Variants in ADGRV1 observed in about 807,000 individuals in gnomAD.
ADGRV1 encodes adhesion G protein-coupled receptor V1.
Under a neutral mutation model 596.2 loss-of-function variants are expected in ADGRV1, and 359 were observed. That is an observed-to-expected ratio of 0.60 (90% CI 0.55 to 0.66). The LOEUF (loss-of-function observed/expected upper bound fraction) is 0.66. Ranked by LOEUF, ADGRV1 falls within the 30% of genes least tolerant of loss-of-function variation. ADGRV1 has a pLI of 0.00. For synonymous variants in ADGRV1, 2,681 were observed against 2,679.2 expected, an observed-to-expected ratio of 1.00 and a Z score of -0.02; for missense variants, 7,274 against 7,575.6, an observed-to-expected ratio of 0.96 and a Z score of 1.48.
intron 89 of ADGRV1, among the ~76,000 whole-genome samples, chr5:91,157,547 A>T (rs1040308326): frequency 1.6e-4 from 25 of 152,180 alleles, no homozygotes; most frequent in African/African-American, 5.1e-4. Context: ...TCCTACTATA[A>T]TATATTTTAT....
At chr5:90,996,439 G>A (rs1293436859) in intron 85 of ADGRV1, among the ~76,000 whole-genome samples, 2 of 152,208 alleles carry the variant, frequency 1.3e-5, no homozygotes, top group Admixed American at 6.5e-5. Context: ...GGTGCACAGA[G>A]TACAAGAGTT....
chr5:90,776,455 A>T lies in ADGRV1; in HGVS notation c.12406A>T (p.Ser4136Cys), dbSNP rs774627909. The change falls in exon 61 of 90, where the codon AGT (serine) becomes TGT (cysteine). Residue 4136 changes from serine to cysteine, a missense_variant and splice_region_variant. Coordinates refer to ENST00000405460, the MANE Select transcript of ADGRV1 (RefSeq NM_032119.4). The part of the protein sequence containing the change: ...DEVEISPVKG[S>C]ASIIIRGDKR... Reference sequence around the variant, plus strand: ...GGTCTATATCATCTTGAATTTAGGTAGTGCATCAATAATTATTCGGGGTGA... The same window carrying T: ...GGTCTATATCATCTTGAATTTAGGTTGTGCATCAATAATTATTCGGGGTGA... The T allele has an allele frequency of 6.2e-7, 1 of 1,610,438 alleles. No homozygotes were observed. The highest frequency in any genetic ancestry group is 1.1e-5 in the South Asian group (1 of 90,674).
chr5:90,788,607 A>T (rs1244679977), intron 68 of ADGRV1, among the ~76,000 whole-genome samples: 1 of 152,170 alleles, frequency 6.6e-6, no homozygotes, highest in Non-Finnish European at 1.5e-5. Flanking sequence ...GGTATTTGTT[A>T]TAGCATACCA....
chr5:90,608,608 A>C (rs1268961690), intron 1 of ADGRV1, among the ~76,000 whole-genome samples: 1 of 152,176 alleles, frequency 6.6e-6, no homozygotes. Context: ...TAATATTGTG[A>C]TAATGCCTAA....
chr5:91,138,257 TAG>T (rs1348940227), intron 87 of ADGRV1, among the ~76,000 whole-genome samples: 8 of 152,154 alleles, frequency 5.3e-5, no homozygotes, highest in Middle Eastern at 6.8e-3. Context: ...AAACCTTCTG[TAG>T]AAATTGTAAT....
At position 90,726,653 on chromosome 5, in the gene ADGRV1, A is replaced by ATGTGTG. The variant is rs55927110; in HGVS notation, c.10161+1022_10161+1027dup. ...TCCTTTTCCCTTTCTCTCTCTGGGTATGTGTGTGTGTGTGTGTGTGTGTGT... is the reference window on the plus strand; with the variant it reads ...TCCTTTTCCCTTTCTCTCTCTGGGTATGTGTGTGTGTGTGTGTGTGTGTGTGTGTGT... On this transcript the variant is annotated intron_variant, in intron 48 of 89. Transcript: ENST00000405460. 9.8e-3 allele frequency among the ~76,000 whole-genome samples: 1,445 copies of ATGTGTG among 147,684 alleles called. 13 individuals are homozygous for ATGTGTG. Among genetic ancestry groups the ATGTGTG allele is most frequent in the South Asian group, 0.049 (227 of 4,648 alleles).
chr5:90,940,929 G>T (rs957622162), intron 83 of ADGRV1, among the ~76,000 whole-genome samples: 1 of 152,170 alleles, frequency 6.6e-6, no homozygotes, highest in Non-Finnish European at 1.5e-5. Context: ...TTATTCTTCT[G>T]TGAAGGAGAC....
chr5:90,665,421 C>T (rs926477410), intron 21 of ADGRV1, among the ~76,000 whole-genome samples: 1 of 152,050 alleles, frequency 6.6e-6, no homozygotes, highest in African/African-American at 2.4e-5. Flanking sequence ...GTAGTATTCT[C>T]TGATGGTAGT....
Position 90,784,066 on chromosome 5 carries a change from A to G in ADGRV1, c.13653+9A>G. Reference sequence around the variant, plus strand: ...TCTTGGGAGAGATTCAGGTAGATTTATGTTCCCCATGACTTTAAATATAAT... The same window carrying G: ...TCTTGGGAGAGATTCAGGTAGATTTGTGTTCCCCATGACTTTAAATATAAT... On this transcript the variant is annotated intron_variant, in intron 67 of 89. Transcript: ENST00000405460. The G allele has an allele frequency of 1.3e-6, 2 of 1,564,524 alleles. No individual in the cohort carries two copies. The highest frequency in any genetic ancestry group is 2.2e-5 in the East Asian group (1 of 44,496).
chr5:90,596,769 G>C (rs1340063470), intron 1 of ADGRV1, among the ~76,000 whole-genome samples: 1 of 152,196 alleles, frequency 6.6e-6, no homozygotes, highest in East Asian at 1.9e-4. Context: ...CGGCATCAGA[G>C]GGTGACCGTG....
intron 87 of ADGRV1, 62 bp from the exon 88 acceptor site, chr5:91,149,968 A>T: frequency 7.2e-7 from 1 of 1,395,702 alleles, no homozygotes; most frequent in Non-Finnish European, 9.6e-7. Context: ...AGCAGGACTG[A>T]CTTTGACATG....
At chr5:90,725,371 A>G (rs1438253333) in intron 47 of ADGRV1, 139 bp downstream of exon 47, 1 of 694,850 alleles carries the variant, frequency 1.4e-6, no homozygotes, top group Non-Finnish European at 2.3e-6. Context: ...ACATTTTAGC[A>G]AAGTATCTTA....
At chr5:90,705,010 A>G (rs993779866) in intron 36 of ADGRV1, among the ~76,000 whole-genome samples, 2 of 152,006 alleles carry the variant, frequency 1.3e-5, no homozygotes, top group African/African-American at 4.8e-5. Flanking sequence ...GGGTTTCACC[A>G]TGTTGGCCAG....
chr5:90,699,675 A>G (rs923239558), intron 34 of ADGRV1, among the ~76,000 whole-genome samples: 2 of 152,160 alleles, frequency 1.3e-5, no homozygotes, highest in African/African-American at 4.8e-5. Context: ...TGGTGGTGCT[A>G]GTGGTGAGTT....
intron 50 of ADGRV1, among the ~76,000 whole-genome samples, chr5:90,731,981 A>G (rs149691959): frequency 4.9e-4 from 74 of 152,250 alleles, no homozygotes; most frequent in African/African-American, 1.8e-3. Context: ...AATACATGGT[A>G]TATAGATTCT....
chr5:90,757,364 C>T (rs1755946229), intron 57 of ADGRV1, among the ~76,000 whole-genome samples: 1 of 121,390 alleles, frequency 8.2e-6, no homozygotes, highest in South Asian at 2.5e-4. Context: ...CAATCTTACC[C>T]TTTTCTGAAC....
At chr5:90,941,756 G>A (rs781160186) in intron 83 of ADGRV1, among the ~76,000 whole-genome samples, 16 of 152,164 alleles carry the variant, frequency 1.1e-4, no homozygotes, top group Non-Finnish European at 2.1e-4. Flanking sequence ...GCTAAGTTAG[G>A]CGTGTATGTT....
In ADGRV1 at chr5:90,643,984, G is replaced by A. The variant is rs1230596530; in HGVS notation, c.2734+1G>A. ...AGCAAAGGAGATGCTATCTATAGTGGTAATTTATTCTGTGTCTTATATTGT... is the reference window on the plus strand; with the variant it reads ...AGCAAAGGAGATGCTATCTATAGTGATAATTTATTCTGTGTCTTATATTGT... On this transcript the variant is annotated splice_donor_variant, in intron 14 of 89. Transcript: ENST00000405460. LOFTEE classifies it high-confidence loss of function. The A allele has an allele frequency of 6.4e-7, 1 of 1,567,984 alleles. No individual in the cohort carries two copies. The highest frequency in any genetic ancestry group is 2.3e-5 in the East Asian group (1 of 44,074).
chr5:91,101,051 G>C (rs1309400735), intron 86 of ADGRV1, among the ~76,000 whole-genome samples: 1 of 152,082 alleles, frequency 6.6e-6, no homozygotes, highest in Non-Finnish European at 1.5e-5. Context: ...GAAATTACTG[G>C]TATAATAAAA....
Sources: allele counts gnomAD v4.1 joint callset (sites outside exome capture counted in the v4.1 genomes callset), GRCh38; gene constraint gnomAD v4.1.1; transcripts MANE v1.5; gene names NCBI Gene and HGNC (gene_info 2026-07-23, HGNC 2026-07-21).